CACNA1E: variants seen among roughly 807,000 people sequenced by gnomAD.
The protein encoded by CACNA1E is voltage-dependent R-type calcium channel subunit alpha-1E.
Under a neutral mutation model 259.2 loss-of-function variants are expected in CACNA1E, and 40 were observed. The observed-to-expected ratio is 0.15, with a 90% CI of 0.12 to 0.20. The LOEUF is 0.20. Among genes scored for constraint, CACNA1E ranks in the 10% least tolerant of loss-of-function variants. The pLI is 1.00. For missense variants in CACNA1E, 1,874 were observed against 3,040.1 expected, an observed-to-expected ratio of 0.62 and a Z score of 9.02; for synonymous variants, 1,104 against 1,138.5, an observed-to-expected ratio of 0.97 and a Z score of 0.61.
chr1:181,497,530 A>G (rs1449628523), intron 1 of CACNA1E, among the ~76,000 whole-genome samples: 2 of 152,192 alleles, frequency 1.3e-5, no homozygotes, highest in Admixed American at 6.5e-5. Context: ...CTAACCTTTA[A>G]TGAATGCCTA....
chr1:181,616,548 T>G (rs998061111), intron 6 of CACNA1E, among the ~76,000 whole-genome samples: 3 of 152,030 alleles, frequency 2.0e-5, no homozygotes, highest in Middle Eastern at 3.2e-3. Context: ...CCATCTCTAC[T>G]AAAAAAATTA....
chr1:181,740,517 G>A (rs149522793), intron 25 of CACNA1E, among the ~76,000 whole-genome samples: 1 of 152,182 alleles, frequency 6.6e-6, no homozygotes, highest in African/African-American at 2.4e-5. Context: ...TGGCCTGGTG[G>A]GGGTGGGGAT....
intron 3 of CACNA1E, among the ~76,000 whole-genome samples, chr1:181,544,529 A>G (rs1230116581): frequency 9.2e-5 from 14 of 152,280 alleles, no homozygotes; most frequent in Non-Finnish European, 1.5e-5. Context: ...AAGTACAAAT[A>G]TCCAATTGCA....
At chr1:181,586,047 A>G (rs1322770092) in intron 6 of CACNA1E, among the ~76,000 whole-genome samples, 3 of 152,150 alleles carry the variant, frequency 2.0e-5, no homozygotes, top group African/African-American at 4.8e-5. Context: ...CAAGGATATA[A>G]AAAAAATGAT....
chr1:181,653,898 A>G (rs1166488763), intron 7 of CACNA1E, among the ~76,000 whole-genome samples: 1 of 152,218 alleles, frequency 6.6e-6, no homozygotes, highest in Admixed American at 6.5e-5. Context: ...TCACCATTCT[A>G]CAAGCTCCAA....
Position 181,752,134 on chromosome 1 carries a change from C to T in CACNA1E, c.3732-9C>T. On this transcript the variant is annotated splice_polypyrimidine_tract_variant and intron_variant, in intron 26 of 47. Transcript: ENST00000367573. Reference sequence around the variant, plus strand: ...TCCATATGATTCCCTGGGGGCCTCTCCCCTGCAGAACCAACAAAGGACGGG... The same window carrying T: ...TCCATATGATTCCCTGGGGGCCTCTTCCCTGCAGAACCAACAAAGGACGGG... 1.0e-5 allele frequency: 16 copies of T among 1,602,336 alleles called. No individual in the cohort carries two copies. The highest frequency in any genetic ancestry group is 1.4e-5 in the Non-Finnish European group (16 of 1,169,220).
At chr1:181,511,592 G>A in intron 3 of CACNA1E, 82 bp downstream of exon 3, 1 of 1,511,670 alleles carries the variant, frequency 6.6e-7, no homozygotes, top group South Asian at 1.2e-5. Context: ...GGGAACCTGG[G>A]GTGGAAAGAC....
intron 1 of CACNA1E, among the ~76,000 whole-genome samples, chr1:181,323,566 C>T (rs1356339275): frequency 6.6e-6 from 1 of 152,160 alleles, no homozygotes; most frequent in Non-Finnish European, 1.5e-5. Context: ...CTCTCTTACC[C>T]TTTACTAGTC....
At chr1:181,538,022 C>T (rs1386264973) in intron 3 of CACNA1E, among the ~76,000 whole-genome samples, 1 of 152,178 alleles carries the variant, frequency 6.6e-6, no homozygotes, top group African/African-American at 2.4e-5. Context: ...ATATTCCATG[C>T]AGTTTGCAGA....
intron 2 of CACNA1E, among the ~76,000 whole-genome samples, chr1:181,429,899 G>A (rs1659592430): frequency 6.6e-6 from 1 of 152,222 alleles, no homozygotes; most frequent in Admixed American, 6.5e-5. Context: ...TGATTGATTA[G>A]TTTAAGAACC....
At chr1:181,543,823 A>C (rs2102797191) in intron 3 of CACNA1E, among the ~76,000 whole-genome samples, 1 of 152,344 alleles carries the variant, frequency 6.6e-6, no homozygotes, top group Non-Finnish European at 1.5e-5. Flanking sequence ...GTTACAATAA[A>C]AGAGACAGAC....
intron 7 of CACNA1E, among the ~76,000 whole-genome samples, chr1:181,655,656 G>A (rs1382436644): frequency 1.3e-5 from 2 of 152,134 alleles, no homozygotes; most frequent in African/African-American, 4.8e-5. Context: ...CAAGGGATTC[G>A]ATGGAGGAGA....
At chr1:181,518,488 G>A (rs1042716401) in intron 3 of CACNA1E, among the ~76,000 whole-genome samples, 1 of 152,148 alleles carries the variant, frequency 6.6e-6, no homozygotes, top group African/African-American at 2.4e-5. Flanking sequence ...AAAAGATAAG[G>A]TTAGAATATA....
At chr1:181,638,587 A>G (rs1314411773) in intron 6 of CACNA1E, among the ~76,000 whole-genome samples, 2 of 151,924 alleles carry the variant, frequency 1.3e-5, no homozygotes, top group African/African-American at 2.4e-5. Context: ...TTGTGTTGTT[A>G]TTGTTGCTTG....
At chr1:181,672,089 A>C (rs978988058) in intron 7 of CACNA1E, among the ~76,000 whole-genome samples, 1 of 152,244 alleles carries the variant, frequency 6.6e-6, no homozygotes, top group Non-Finnish European at 1.5e-5. Flanking sequence ...TTACAATAAC[A>C]TGGATGAAGC....
At chr1:181,595,993 TAC>T (rs917840067) in intron 6 of CACNA1E, among the ~76,000 whole-genome samples, 12 of 152,214 alleles carry the variant, frequency 7.9e-5, no homozygotes, top group Non-Finnish European at 1.6e-4. Context: ...GCATTTGTCT[TAC>T]GACTTCCATT....
chr1:181,691,600 C>G (rs1651164779), intron 7 of CACNA1E, among the ~76,000 whole-genome samples: 2 of 151,996 alleles, frequency 1.3e-5, no homozygotes, highest in South Asian at 4.1e-4. Flanking sequence ...CAGAAAAAGC[C>G]TTTGATAAAA....
intron 6 of CACNA1E, among the ~76,000 whole-genome samples, chr1:181,597,405 G>T (rs1004277122): frequency 6.6e-6 from 1 of 152,116 alleles, no homozygotes; most frequent in Admixed American, 6.5e-5. Context: ...TATATTTTTT[G>T]TGTTTCGCAT....
intron 2 of CACNA1E, among the ~76,000 whole-genome samples, chr1:181,447,480 A>ATGAT (rs774014918): frequency 2.0e-5 from 3 of 152,016 alleles, no homozygotes; most frequent in Non-Finnish European, 2.9e-5. Context: ...GCAGTGAGAT[A>ATGAT]TGATTGCACC....
Sources: allele counts gnomAD v4.1 joint callset (sites outside exome capture counted in the v4.1 genomes callset), GRCh38; gene constraint gnomAD v4.1.1; transcripts MANE v1.5; gene names NCBI Gene and HGNC (gene_info 2026-07-23, HGNC 2026-07-21).